LDLRAD3: variants seen among roughly 807,000 people sequenced by gnomAD.
LDLRAD3 encodes low density lipoprotein receptor class A domain containing 3.
LDLRAD3 carries 20 observed loss-of-function variants against 29.4 expected under a neutral mutation model. The ratio of observed to expected loss-of-function variants is 0.68; its 90% CI spans 0.48 to 0.99. The LOEUF is 0.99. Ranked by LOEUF, LDLRAD3 falls within the 50% of genes least tolerant of loss-of-function variation. The pLI is 0.00. For synonymous variants in LDLRAD3, 157 were observed against 192.7 expected (o/e 0.81, Z 1.53); for missense variants, 420 against 454.3 (o/e 0.92, Z 0.69).
intron 4 of LDLRAD3, chr11:36,196,259 A>C (rs1033074547): frequency 6.6e-6 from 1 of 150,842 alleles, no homozygotes; most frequent in African/African-American, 2.4e-5. Flanking sequence ...GGAGTTGGAA[A>C]AAGCACACTT....
chr11:36,153,745 A>G (rs560906874), intron 4 of LDLRAD3, among the ~76,000 whole-genome samples: 160 of 152,172 alleles, frequency 1.1e-3, no homozygotes, highest in African/African-American at 3.8e-3. Context: ...GAATGCAGCT[A>G]TGTGCATATT....
rs183580732 is a variant in LDLRAD3 at position 36,047,856 on chromosome 11, A to G, written c.193+11607A>G. On this transcript the variant is annotated intron_variant, in intron 2 of 5. Transcript: ENST00000315571. ...CTGGCACAGAGGAAGCACACAATCA[A>G]TGTCAGCTGTACTCTTCCTGGCAGT... Among the ~76,000 whole-genome samples, 71 of 152,286 alleles carry G rather than the reference A, an allele frequency of 4.7e-4. 1 individual carries two copies. The highest frequency in any genetic ancestry group is 1.4e-3 in the African/African-American group (58 of 41,556).
At chr11:36,128,822 C>A (rs1052837070) in intron 4 of LDLRAD3, among the ~76,000 whole-genome samples, 1 of 150,308 alleles carries the variant, frequency 6.7e-6, no homozygotes, top group African/African-American at 2.5e-5. Context: ...GCACTCCAGC[C>A]TGGGTAAGAG....
chr11:36,086,890 A>G (rs1360258075), intron 3 of LDLRAD3, among the ~76,000 whole-genome samples: 1 of 152,206 alleles, frequency 6.6e-6, no homozygotes, highest in Non-Finnish European at 1.5e-5. Context: ...AGGAACTTCT[A>G]TAAGCCAGTT....
chr11:36,132,757 C>T (rs938054300), intron 4 of LDLRAD3, among the ~76,000 whole-genome samples: 4 of 152,166 alleles, frequency 2.6e-5, no homozygotes, highest in Non-Finnish European at 4.4e-5. Flanking sequence ...GTGAATGCAG[C>T]GGTTTAAGCC....
intron 1 of LDLRAD3, among the ~76,000 whole-genome samples, chr11:35,963,658 C>T (rs17382780): frequency 0.068 from 10,411 of 152,198 alleles, 449 homozygotes; most frequent in Admixed American, 0.1. Context: ...CATGTAAACA[C>T]TACTGTTCTT....
intron 1 of LDLRAD3, among the ~76,000 whole-genome samples, chr11:36,023,533 G>C (rs781142542): frequency 1.3e-5 from 2 of 152,146 alleles, no homozygotes; most frequent in Non-Finnish European, 2.9e-5. Flanking sequence ...TAAACAAGAG[G>C]AACTATCTTC....
rs58819693 is a variant in LDLRAD3 at position 36,116,844 on chromosome 11, C to CTT, written c.454+18397_454+18398dup. On this transcript the variant is annotated intron_variant, in intron 4 of 5. Coordinates refer to ENST00000315571, the MANE Select transcript of LDLRAD3 (RefSeq NM_174902.4). ...GAGTAACCTTTCTTTTTCTTTTTTT[C>CTT]TTTTTTTTTTTTTTTGAGATAGAGT... 5.1e-3 allele frequency among the ~76,000 whole-genome samples: 702 copies of CTT among 136,986 alleles called. 8 individuals are homozygous for CTT. Among genetic ancestry groups the CTT allele is most frequent in the African/African-American group, 0.018 (662 of 36,854 alleles). 89.9% of individuals were successfully genotyped at this position (136,986 alleles called of 152,430 possible). A position where few individuals can be genotyped will look rare whatever the true frequency, so the allele number is the denominator to read the frequency against.
chr11:36,061,909 T>C (rs1485437027), intron 2 of LDLRAD3, among the ~76,000 whole-genome samples: 1 of 152,118 alleles, frequency 6.6e-6, no homozygotes, highest in Non-Finnish European at 1.5e-5. Flanking sequence ...TAATTGTTAC[T>C]GGATAAAATA....
chr11:36,089,430 CAT>C (rs1853243878), intron 3 of LDLRAD3, among the ~76,000 whole-genome samples: 2 of 83,764 alleles, frequency 2.4e-5, no homozygotes, highest in South Asian at 4.0e-4. Context: ...ATTCCCAATA[CAT>C]TTTTTTTTTT....
At chr11:36,156,723 A>G (rs1854357289) in intron 4 of LDLRAD3, among the ~76,000 whole-genome samples, 1 of 151,920 alleles carries the variant, frequency 6.6e-6, no homozygotes, top group East Asian at 2.0e-4. Flanking sequence ...CTGGCAGAAA[A>G]TGACAAAGAA....
At chr11:36,018,798 A>G (rs948820981) in intron 1 of LDLRAD3, among the ~76,000 whole-genome samples, 1 of 152,194 alleles carries the variant, frequency 6.6e-6, no homozygotes, top group Non-Finnish European at 1.5e-5. Flanking sequence ...GTTCTAAACA[A>G]TGGCATTTCA....
intron 1 of LDLRAD3, among the ~76,000 whole-genome samples, chr11:36,018,732 C>G (rs1852054620): frequency 6.6e-6 from 1 of 152,162 alleles, no homozygotes; most frequent in Non-Finnish European, 1.5e-5. Context: ...GTGCCAGTTT[C>G]CTCACCCTGC....
intron 4 of LDLRAD3, among the ~76,000 whole-genome samples, chr11:36,123,466 C>T (rs1056200355): frequency 5.3e-5 from 8 of 152,210 alleles, no homozygotes; most frequent in Admixed American, 1.3e-4. Flanking sequence ...AGTACAAAAT[C>T]GCAAGCCCAG....
intron 4 of LDLRAD3, among the ~76,000 whole-genome samples, chr11:36,154,133 G>C (rs1214857053): frequency 6.6e-6 from 1 of 152,168 alleles, no homozygotes; most frequent in Non-Finnish European, 1.5e-5. Flanking sequence ...TTTTTGTAAA[G>C]AGATGAGTTC....
chr11:36,028,494 G>A (rs1010015219), intron 1 of LDLRAD3, among the ~76,000 whole-genome samples: 2 of 152,066 alleles, frequency 1.3e-5, no homozygotes, highest in African/African-American at 2.4e-5. Context: ...TTGGCAAATG[G>A]GCTAAAGTCA....
intron 1 of LDLRAD3, among the ~76,000 whole-genome samples, chr11:35,984,978 G>GA (rs1851591213): frequency 6.9e-6 from 1 of 145,108 alleles, no homozygotes; most frequent in Non-Finnish European, 1.5e-5. Context: ...CCCACTATGT[G>GA]CAGTGGCATG....
intron 4 of LDLRAD3, among the ~76,000 whole-genome samples, chr11:36,207,021 C>T (rs112327512): frequency 1.8e-3 from 279 of 152,212 alleles, no homozygotes; most frequent in African/African-American, 6.3e-3. Flanking sequence ...CCACTGCACC[C>T]GACCCTGATT....
At chr11:36,031,835 A>G (rs892667021) in intron 1 of LDLRAD3, among the ~76,000 whole-genome samples, 8 of 152,230 alleles carry the variant, frequency 5.3e-5, no homozygotes, top group African/African-American at 1.9e-4. Context: ...GTGCAGAAGT[A>G]ATTGCCTTGT....
Sources: allele counts gnomAD v4.1 joint callset (sites outside exome capture counted in the v4.1 genomes callset), GRCh38; gene constraint gnomAD v4.1.1; transcripts MANE v1.5; gene names NCBI Gene and HGNC (gene_info 2026-07-23, HGNC 2026-07-21).